FBN1: variants seen among roughly 807,000 people sequenced by gnomAD.
FBN1 encodes the protein fibrillin 1.
A neutral mutation model predicts 365.1 loss-of-function variants in FBN1; 29 were observed. That is an observed-to-expected ratio of 0.08 (90% CI 0.06 to 0.11). The LOEUF (loss-of-function observed/expected upper bound fraction) is 0.11, where lower values mean the gene tolerates loss of function less well. FBN1 is among the 10% of genes least tolerant of loss of function. FBN1 has a pLI of 1.00. For missense variants in FBN1, 2,476 were observed against 3,703.2 expected, an observed-to-expected ratio of 0.67 and a Z score of 8.60; for synonymous variants, 1,210 against 1,270.5, an observed-to-expected ratio of 0.95 and a Z score of 1.01.
intron 32 of FBN1, among the ~76,000 whole-genome samples, chr15:48,476,321 A>G (rs139911924): frequency 6.6e-6 from 1 of 152,318 alleles, no homozygotes; most frequent in East Asian, 1.9e-4. Context: ...TCTCTCCTAT[A>G]TTTGTCATGA....
intron 7 of FBN1, among the ~76,000 whole-genome samples, chr15:48,535,289 T>C (rs2044004685): frequency 6.6e-6 from 1 of 152,234 alleles, no homozygotes; most frequent in African/African-American, 2.4e-5. Flanking sequence ...TTGTTTTATT[T>C]AATAAATTGA....
chr15:48,413,637 T>TA (rs2042880944), intron 64 of FBN1, among the ~76,000 whole-genome samples: 1 of 152,206 alleles, frequency 6.6e-6, no homozygotes, highest in Admixed American at 6.5e-5. Context: ...GAATGGTCCT[T>TA]AAAAGAATCT....
chr15:48,438,060 A>G, intron 50 of FBN1, 143 bp from the exon 51 acceptor site: 1 of 872,966 alleles, frequency 1.1e-6, no homozygotes, highest in African/African-American at 1.6e-5. Flanking sequence ...TCTAATGGTA[A>G]CTGAGCTGAG....
intron 2 of FBN1, among the ~76,000 whole-genome samples, chr15:48,615,682 T>C (rs1889638082): frequency 6.6e-6 from 1 of 152,140 alleles, no homozygotes; most frequent in Non-Finnish European, 1.5e-5. Context: ...AACAGAGTCT[T>C]ATATATATTA....
chr15:48,598,350 CT>C (rs1235158080), intron 5 of FBN1, among the ~76,000 whole-genome samples: 1 of 152,154 alleles, frequency 6.6e-6, no homozygotes, highest in African/African-American at 2.4e-5. Context: ...ACATAGAGTT[CT>C]AAAATGTGCC....
At chr15:48,561,933 C>A (rs1309873859) in intron 6 of FBN1, among the ~76,000 whole-genome samples, 1 of 152,128 alleles carries the variant, frequency 6.6e-6, no homozygotes. Flanking sequence ...ATTTTAGTGT[C>A]CATAAGAACC....
chr15:48,493,597 T>C (rs569121279), intron 23 of FBN1, among the ~76,000 whole-genome samples: 2 of 152,318 alleles, frequency 1.3e-5, no homozygotes, highest in East Asian at 3.9e-4. Context: ...AAGCAAGACC[T>C]TGGGTGGGGG....
intron 60 of FBN1, 134 bp from the exon 61 acceptor site, chr15:48,422,202 G>A: frequency 1.4e-6 from 1 of 707,954 alleles, no homozygotes; most frequent in Non-Finnish European, 2.6e-6. Context: ...CACAGCAAAA[G>A]GCAAGGAGAG....
intron 16 of FBN1, 23 bp from the exon 17 acceptor site, chr15:48,503,962 C>A: frequency 1.2e-6 from 2 of 1,613,730 alleles, no homozygotes; most frequent in South Asian, 2.2e-5. Flanking sequence ...AAGCATCTGT[C>A]ATCACACTGT....
rs16961086 is a variant in FBN1, at chr15:48,523,032, A to G, written c.989-2215T>C. On this transcript the variant is annotated intron_variant, in intron 9 of 65. Transcript: ENST00000316623. ...TACCTCCCCCGTCAAGAGGGCAGAG[A>G]AATTGAACTTCCTACATTCTAATTT... 0.024 allele frequency among the ~76,000 whole-genome samples: 3,626 copies of G among 152,298 alleles called. 233 individuals carry two copies. In the East Asian group the frequency reaches 0.24, roughly 10 times the overall value.
intron 4 of FBN1, among the ~76,000 whole-genome samples, chr15:48,602,701 T>G (rs1175286395): frequency 6.6e-6 from 1 of 152,234 alleles, no homozygotes; most frequent in African/African-American, 2.4e-5. Context: ...TTTTAGGCTC[T>G]TATGATTCCG....
At chr15:48,635,617 A>G (rs896281493) in intron 2 of FBN1, among the ~76,000 whole-genome samples, 4 of 152,260 alleles carry the variant, frequency 2.6e-5, no homozygotes, top group African/African-American at 7.2e-5. Flanking sequence ...TACAGAAGAA[A>G]GTTAAAACAT....
chr15:48,428,414 G>A lies in FBN1; in HGVS notation c.6929C>T (p.Thr2310Ile). Residue 2310 changes from threonine (T) to isoleucine (I), a missense_variant, in exon 57 of 66, where the codon ACC becomes ATC. By Grantham distance (89) the Thr-to-Ile change is moderately conservative (BLOSUM62 -1). Around this residue, in one of 5 missense-constraint regions of FBN1, gnomAD observed 1,780 missense variants for 2,840.8 expected, o/e 0.63. Transcript: ENST00000316623. ...GICENGRCLN[T>I]RGSYTCECND... ...ACACTCACAGGTGTAGCTCCCACGG[G>A]TGTTGAGGCAGCGCCCATTCTCACA... The A allele has an allele frequency of 6.2e-7, 1 of 1,614,084 alleles. No homozygotes were observed. The highest frequency in any genetic ancestry group is 8.5e-7 in the Non-Finnish European group (1 of 1,179,970).
Position 48,488,404 on chromosome 15 carries a change from C to T in FBN1, c.3172G>A (p.Gly1058Ser), listed in dbSNP as rs886039208. 1.2e-6 allele frequency: 2 copies of T among 1,614,194 alleles called. No homozygotes were observed. Among genetic ancestry groups the T allele is most frequent in the Non-Finnish European group, 1.7e-6 (2 of 1,180,040 alleles). Residue 1058 changes from glycine (G) to serine (S), a missense_variant, in exon 26 of 66, where the codon GGC becomes AGC. Transcript: ENST00000316623. ...IGSFKCRCDS[G>S]FALDSEERNC... ...CTTTCTTCAGAATCAAGAGCAAAGCCGCTGTCACACCTGCACTTAAAGCTG... is the reference window on the plus strand; with the variant it reads ...CTTTCTTCAGAATCAAGAGCAAAGCTGCTGTCACACCTGCACTTAAAGCTG...
chr15:48,490,050 C>A lies in FBN1; in HGVS notation c.2883G>T (p.Arg961Ser), dbSNP rs142964120. The A allele has an allele frequency of 5.0e-6, 8 of 1,614,086 alleles. 1 individual carries two copies. In the Admixed American group the frequency reaches 8.3e-5, roughly 17 times the overall value. Residue 961 changes from arginine to serine, a missense_variant, in exon 25 of 66, where the codon AGG (arginine) becomes AGT (serine). Transcript: ENST00000316623. ...LDIRLETCFLRYEDEECTLPI... is the reference protein window; with the variant it reads ...LDIRLETCFLSYEDEECTLPI... ...GCAGGGTGCACTCCTCGTCCTCGTA[C>A]CTCAGGAAGCAGGTTTCCAGGCGGA...
intron 9 of FBN1, 70 bp from the exon 10 acceptor site, chr15:48,520,887 C>G (rs978058890): frequency 1.3e-6 from 2 of 1,599,118 alleles, no homozygotes; most frequent in African/African-American, 2.7e-5. Flanking sequence ...CTCCCCTGCC[C>G]GAGCAGCTCC....
intron 44 of FBN1, among the ~76,000 whole-genome samples, chr15:48,453,688 T>C (rs1377020680): frequency 6.6e-6 from 1 of 152,100 alleles, no homozygotes; most frequent in East Asian, 1.9e-4. Flanking sequence ...GGAGATTCAA[T>C]TGTAACAAAT....
chr15:48,515,627 A>G (rs1230823057), intron 11 of FBN1, 100 bp from the exon 12 acceptor site: 1 of 1,503,854 alleles, frequency 6.6e-7, no homozygotes, highest in African/African-American at 1.4e-5. Flanking sequence ...TCAGAAAGGA[A>G]AGAGGATACT....
chr15:48,502,148 C>A (rs879331504), intron 17 of FBN1, among the ~76,000 whole-genome samples: 3 of 152,172 alleles, frequency 2.0e-5, no homozygotes, highest in Non-Finnish European at 4.4e-5. Context: ...CCTGCCTCAG[C>A]CTCCCGAGTA....
Sources: allele counts gnomAD v4.1 joint callset (sites outside exome capture counted in the v4.1 genomes callset), GRCh38; gene constraint gnomAD v4.1.1; regional missense constraint gnomAD v4.1.1; transcripts MANE v1.5; gene names NCBI Gene and HGNC (gene_info 2026-07-23, HGNC 2026-07-21).